The following SETD3 variants were observed in gnomAD, a reference collection of about 807,000 sequenced individuals.
SETD3 encodes the protein actin-histidine N-methyltransferase.
In SETD3, 19 loss-of-function variants were observed where a neutral mutation model predicts 63.0. That is an observed-to-expected ratio of 0.30 (90% CI 0.21 to 0.44). The LOEUF is 0.44. Ranked by LOEUF, SETD3 falls within the 20% of genes least tolerant of loss-of-function variation. SETD3 has a pLI of 1.00. For synonymous variants in SETD3, 286 were observed against 264.1 expected, an observed-to-expected ratio of 1.08 and a Z score of -0.80; for missense variants, 587 against 728.5, an observed-to-expected ratio of 0.81 and a Z score of 2.24.
chr14:99,438,892 A>G (rs1256924167), intron 6 of SETD3, among the ~76,000 whole-genome samples: 3 of 152,218 alleles, frequency 2.0e-5, no homozygotes, highest in Non-Finnish European at 4.4e-5. Context: ...GCTTTCCAAC[A>G]TCATAGGAAG....
intron 6 of SETD3, among the ~76,000 whole-genome samples, chr14:99,435,275 A>ATTAT (rs1893415786): frequency 6.6e-6 from 1 of 152,150 alleles, no homozygotes; most frequent in Non-Finnish European, 1.5e-5. Flanking sequence ...TAAACTCATA[A>ATTAT]ATCATTTGAC....
intron 6 of SETD3, among the ~76,000 whole-genome samples, chr14:99,414,653 A>G (rs1473426368): frequency 6.6e-6 from 1 of 152,248 alleles, no homozygotes; most frequent in Non-Finnish European, 1.5e-5. Context: ...TGAGAAAATT[A>G]TATAGATTTC....
chr14:99,435,995 T>A (rs1169616416), intron 6 of SETD3, among the ~76,000 whole-genome samples: 1 of 152,016 alleles, frequency 6.6e-6, no homozygotes, highest in Non-Finnish European at 1.5e-5. Context: ...CTCAGGAAAC[T>A]CACAATCACA....
chr14:99,485,014 C>T (rs1035144766), upstream of SETD3, among the ~76,000 whole-genome samples: 1 of 152,184 alleles, frequency 6.6e-6, no homozygotes, highest in Non-Finnish European at 1.5e-5. Flanking sequence ...AATGAGAAAA[C>T]TTACAACTTT....
chr14:99,455,129 C>A (rs963266510), intron 6 of SETD3, among the ~76,000 whole-genome samples: 1 of 152,250 alleles, frequency 6.6e-6, no homozygotes, highest in Non-Finnish European at 1.5e-5. Flanking sequence ...GCTCTTTCCA[C>A]GCAGCCACAG....
chr14:99,406,675 G>C (rs1891700880), intron 8 of SETD3, 85 bp from the exon 9 acceptor site: 1 of 1,339,994 alleles, frequency 7.5e-7, no homozygotes, highest in African/African-American at 1.5e-5. Context: ...CTGGCAATCA[G>C]AGGAAAAAGG....
At chr14:99,472,244 T>C (rs535830194) in intron 1 of SETD3, among the ~76,000 whole-genome samples, 12 of 152,252 alleles carry the variant, frequency 7.9e-5, no homozygotes, top group Admixed American at 3.3e-4. Context: ...TAACTAAACA[T>C]AGAAGGGCAA....
At chr14:99,430,540 A>C (rs1393502022) in intron 6 of SETD3, among the ~76,000 whole-genome samples, 1 of 152,250 alleles carries the variant, frequency 6.6e-6, no homozygotes, top group Admixed American at 6.5e-5. Flanking sequence ...CAGGGTATTT[A>C]ATACACCTTT....
At chr14:99,399,773 C>T (rs1205582659) in intron 12 of SETD3, among the ~76,000 whole-genome samples, 1 of 105,000 alleles carries the variant, frequency 9.5e-6, no homozygotes, top group Non-Finnish European at 1.7e-5. Context: ...TTTTTTGAGA[C>T]GGAGTCTTGC....
chr14:99,407,564 C>T (rs1028582931), intron 8 of SETD3, among the ~76,000 whole-genome samples: 13 of 152,188 alleles, frequency 8.5e-5, no homozygotes, highest in African/African-American at 2.9e-4. Flanking sequence ...GCTCTGCCTT[C>T]GGAATAAACC....
At chr14:99,436,142 A>G (rs1893468099) in intron 6 of SETD3, among the ~76,000 whole-genome samples, 1 of 152,076 alleles carries the variant, frequency 6.6e-6, no homozygotes, top group African/African-American at 2.4e-5. Context: ...AACCGCCTCC[A>G]TGATTCACCT....
At chr14:99,472,312 A>G (rs953913616) in intron 1 of SETD3, among the ~76,000 whole-genome samples, 81 of 152,256 alleles carry the variant, frequency 5.3e-4, no homozygotes, top group Admixed American at 1.6e-3. Context: ...GTGAGGTGTT[A>G]GTATCCAGTA....
chr14:99,474,933 TCTGA>T (rs1895894990), intron 1 of SETD3, among the ~76,000 whole-genome samples: 1 of 152,228 alleles, frequency 6.6e-6, no homozygotes, highest in African/African-American at 2.4e-5. Flanking sequence ...ACTAAACATT[TCTGA>T]CTGACTTTTC....
chr14:99,463,426 G>A (rs1895186791), intron 3 of SETD3, 60 bp downstream of exon 3: 2 of 1,324,600 alleles, frequency 1.5e-6, no homozygotes, highest in East Asian at 4.8e-5. Flanking sequence ...TCAACCCTTT[G>A]ACCTAATCAA....
chr14:99,441,399 A>G (rs1331803182), intron 6 of SETD3, among the ~76,000 whole-genome samples: 1 of 152,226 alleles, frequency 6.6e-6, no homozygotes, highest in Non-Finnish European at 1.5e-5. Context: ...CTCCTGTGTG[A>G]CAGGCACTAG....
chr14:99,424,712 C>G (rs1398090778), intron 6 of SETD3, among the ~76,000 whole-genome samples: 1 of 152,054 alleles, frequency 6.6e-6, no homozygotes, highest in Non-Finnish European at 1.5e-5. Context: ...ATAAGAAACC[C>G]AGGTGGAGAC....
chr14:99,442,921 T>C (rs1379015481), intron 6 of SETD3, among the ~76,000 whole-genome samples: 2 of 152,154 alleles, frequency 1.3e-5, no homozygotes, highest in Non-Finnish European at 1.5e-5. Context: ...TCTAAGACAC[T>C]GGAACAGTGG....
intron 12 of SETD3, among the ~76,000 whole-genome samples, 169 bp downstream of exon 12, chr14:99,399,930 C>T (rs957853650): frequency 2.0e-5 from 3 of 151,776 alleles, no homozygotes; most frequent in African/African-American, 4.8e-5. Context: ...TTAGTAGAGA[C>T]GGGGTTTCAC....
intron 5 of SETD3, among the ~76,000 whole-genome samples, chr14:99,458,764 C>G (rs1356659750): frequency 1.6e-5 from 2 of 127,548 alleles, no homozygotes; most frequent in Non-Finnish European, 3.3e-5. Context: ...ATAGCAAAAC[C>G]CCATCACTAC....
Sources: gnomAD v4.1 joint callset for allele counts (sites outside exome capture counted in the v4.1 genomes callset) on GRCh38, gnomAD v4.1.1 for gene constraint, MANE v1.5 for transcripts, NCBI Gene and HGNC (gene_info 2026-07-23, HGNC 2026-07-21) for gene names.